PKHD1L1: variants seen among roughly 807,000 people sequenced by gnomAD.
PKHD1L1 encodes the protein PKHD1 like 1.
Under a neutral mutation model 462.9 loss-of-function variants are expected in PKHD1L1, and 434 were observed. The ratio of observed to expected loss-of-function variants is 0.94; its 90% CI spans 0.87 to 1.02. The LOEUF is 1.02. Ranked by LOEUF, PKHD1L1 falls within the 50% of genes least tolerant of loss-of-function variation. The pLI, the probability that PKHD1L1 is intolerant of heterozygous loss-of-function variation, is 0.00. For missense variants in PKHD1L1, 5,202 were observed against 5,096.1 expected, an observed-to-expected ratio of 1.02 and a Z score of -0.63; for synonymous variants, 1,781 against 1,750.0, an observed-to-expected ratio of 1.02 and a Z score of -0.44.
Position 109,427,141 on chromosome 8 carries a change from G to A in PKHD1L1, c.2985G>A (p.Lys995=). 6 of 1,613,674 alleles carry A rather than the reference G, an allele frequency of 3.7e-6. No individual in the cohort carries two copies. The highest frequency in any genetic ancestry group is 5.1e-6 in the Non-Finnish European group (6 of 1,179,660). Residue 995 remains lysine (K), a synonymous_variant, in exon 25 of 78, where the codon AAG becomes AAA. Transcript: ENST00000378402. ...TCAAATGGAGAAGCACCTGCGGAAA[G>A]CAGAATCTTCTACAGGTTCCCTCAT... The part of the protein sequence containing the change: ...WNIKWRSTCG[K]QNLLQINDSN...
At chr8:109,484,641 C>A (rs1818434793) in intron 57 of PKHD1L1, among the ~76,000 whole-genome samples, 1 of 151,754 alleles carries the variant, frequency 6.6e-6, no homozygotes, top group African/African-American at 2.4e-5. Flanking sequence ...GCTTTTCTGC[C>A]TTTCAGGAAT....
chr8:109,458,100 G>C (rs1305357412), intron 46 of PKHD1L1, among the ~76,000 whole-genome samples: 1 of 151,984 alleles, frequency 6.6e-6, no homozygotes, highest in African/African-American at 2.4e-5. Context: ...GTTGTAAACT[G>C]CTTAAATATT....
chr8:109,508,192 G>T lies in PKHD1L1; in HGVS notation c.11323G>T (p.Asp3775Tyr), dbSNP rs912598768. The change falls in exon 70 of 78, where the codon GAT becomes TAT. Residue 3775 changes from aspartate to tyrosine, a missense_variant. Physicochemically the swap from Asp to Tyr is radical, Grantham distance 160 (BLOSUM62 -3). Around this residue, in one of 3 missense-constraint regions of PKHD1L1, gnomAD observed 698 missense variants for 736.3 expected, o/e 0.95. Coordinates refer to ENST00000378402, the MANE Select transcript of PKHD1L1 (RefSeq NM_177531.6). ...TGCAATGATGGTTATTGAAAGTCTG[G>T]ATCCTGACACAGAAACTCGAAGACT... Reference protein sequence around the residue: ...EYAMMVIESLDPDTETRRLSP... With the variant: ...EYAMMVIESLYPDTETRRLSP... 6.2e-7 allele frequency: 1 copy of T among 1,613,204 alleles called. No individual in the cohort carries two copies. The highest frequency in any genetic ancestry group is 1.3e-5 in the African/African-American group (1 of 74,862).
At chr8:109,367,235 G>A (rs1214790613) in intron 2 of PKHD1L1, among the ~76,000 whole-genome samples, 1 of 152,012 alleles carries the variant, frequency 6.6e-6, no homozygotes, top group African/African-American at 2.4e-5. Context: ...TAATTTGGAG[G>A]GACTATATTC....
rs1372027525 is a variant in PKHD1L1, at chr8:109,454,667, G to T, written c.6745-56G>T. The T allele has an allele frequency of 6.3e-6, 10 of 1,595,658 alleles. No homozygotes were observed. The African/African-American group carries it at 1.3e-4, about 21-fold the overall frequency. ...GAAAAGAACTACTTTTGTGTGATTA[G>T]AATTGTGGATTTGGGGTTTTAATTT... On this transcript the variant is annotated intron_variant, in intron 44 of 77. Coordinates refer to ENST00000378402, the MANE Select transcript of PKHD1L1 (RefSeq NM_177531.6).
rs761896713 is a variant in PKHD1L1, at chr8:109,445,193, T to C, written c.5324T>C (p.Val1775Ala). 3 of 1,613,980 alleles carry C rather than the reference T, an allele frequency of 1.9e-6. No homozygotes were observed. Among genetic ancestry groups the C allele is most frequent in the Non-Finnish European group, 2.5e-6 (3 of 1,179,874 alleles). ...VLIEGEGLGTVLEDIAVFIGN... is the reference protein window; with the variant it reads ...VLIEGEGLGTALEDIAVFIGN... ...ATTGAAGGAGAAGGTTTGGGGACTG[T>C]TTTGGAGGACATTGCTGTTTTCATT... The change falls in exon 38 of 78, where the codon GTT (valine) becomes GCT (alanine). Residue 1775 changes from valine to alanine, a missense_variant. By Grantham distance (64) the Val-to-Ala change is moderately conservative. This residue lies in a region of PKHD1L1 where 4,497 missense variants were observed against 4,336.8 expected (regional missense o/e 1.04). Coordinates refer to ENST00000378402, the MANE Select transcript of PKHD1L1 (RefSeq NM_177531.6).
intron 19 of PKHD1L1, 74 bp from the exon 20 acceptor site, chr8:109,412,191 G>T: frequency 6.6e-7 from 1 of 1,521,232 alleles, no homozygotes; most frequent in Middle Eastern, 1.7e-4. Flanking sequence ...ACCTTGAGTG[G>T]TTTGGGTGCA....
chr8:109,454,957 G>A (rs1343734887), intron 45 of PKHD1L1, 105 bp downstream of exon 45: 3 of 1,378,168 alleles, frequency 2.2e-6, no homozygotes, highest in Non-Finnish European at 2.9e-6. Context: ...TAAAGTGAAA[G>A]TGTGTTAGGC....
In PKHD1L1 at chr8:109,384,103, A is replaced by G. The variant is rs1291437018; in HGVS notation, c.451A>G (p.Ile151Val). The G allele has an allele frequency of 1.2e-6, 2 of 1,611,418 alleles. No individual in the cohort carries two copies. The highest frequency in any genetic ancestry group is 2.2e-5 in the East Asian group (1 of 44,788). ...KSFRTPTIRS[I>V]TPLSGTPGTL... ...TTTTAGAACCCCAACAATAAGAAGC[A>G]TCACACCTTTATCTGGAACTCCAGG... The change falls in exon 5 of 78, where the codon ATC (isoleucine) becomes GTC (valine). Residue 151 changes from isoleucine to valine, a missense_variant. By Grantham distance (29) the Ile-to-Val change is conservative. Transcript: ENST00000378402.
At chr8:109,366,212 T>G (rs571548989) in intron 2 of PKHD1L1, among the ~76,000 whole-genome samples, 94 of 152,324 alleles carry the variant, frequency 6.2e-4, no homozygotes, top group African/African-American at 2.2e-3. Flanking sequence ...GACTCTTAAT[T>G]ATAAAGCCCA....
At chr8:109,422,450 T>A (rs1814523282) in intron 23 of PKHD1L1, among the ~76,000 whole-genome samples, 2 of 152,214 alleles carry the variant, frequency 1.3e-5, no homozygotes, top group South Asian at 2.1e-4. Flanking sequence ...GCTACAAAAA[T>A]GGAATCAGAT....
chr8:109,522,957 G>A (rs1820627151), intron 75 of PKHD1L1, 67 bp downstream of exon 75: 1 of 1,445,146 alleles, frequency 6.9e-7, no homozygotes, highest in African/African-American at 1.4e-5. Flanking sequence ...GGATGAGCCA[G>A]TTTCACTCAT....
intron 28 of PKHD1L1, 44 bp from the exon 29 acceptor site, chr8:109,435,146 C>G (rs745702714): frequency 6.2e-7 from 1 of 1,600,968 alleles, no homozygotes; most frequent in South Asian, 1.1e-5. Flanking sequence ...CTCATAAAAC[C>G]ATTTGATTTA....
Position 109,452,714 on chromosome 8 carries a change from A to G in PKHD1L1, c.6508-4A>G. ...ATTTTAAGGTCTCTTATGTTCTATTACAGGATAATGCTGACTTTCTTTATG... is the reference window on the plus strand; with the variant it reads ...ATTTTAAGGTCTCTTATGTTCTATTGCAGGATAATGCTGACTTTCTTTATG... On this transcript the variant is annotated splice_region_variant and splice_polypyrimidine_tract_variant and intron_variant, in intron 42 of 77. Transcript: ENST00000378402. The G allele has an allele frequency of 6.7e-7, 1 of 1,502,070 alleles. No homozygotes were observed. The highest frequency in any genetic ancestry group is 8.8e-7 in the Non-Finnish European group (1 of 1,130,248). The allele number at this position is 1,502,070 out of a possible 1,614,324, so 93.0% of individuals were successfully genotyped here.
chr8:109,477,504 G>A (rs1818052647), intron 53 of PKHD1L1, 108 bp downstream of exon 53: 3 of 1,039,572 alleles, frequency 2.9e-6, no homozygotes, highest in East Asian at 2.8e-5. Flanking sequence ...ACAATGTCTT[G>A]TAGGTTACAA....
intron 70 of PKHD1L1, among the ~76,000 whole-genome samples, chr8:109,509,645 T>A (rs1486087579): frequency 6.6e-6 from 1 of 151,712 alleles, no homozygotes; most frequent in Non-Finnish European, 1.5e-5. Context: ...TTATTTATTT[T>A]AAAAATATGA....
At chr8:109,388,949 A>C in intron 7 of PKHD1L1, 130 bp from the exon 8 acceptor site, 1 of 554,072 alleles carries the variant, frequency 1.8e-6, no homozygotes, top group East Asian at 3.4e-5. Flanking sequence ...ATTTTACAGA[A>C]ATTTTGGTTG....
chr8:109,467,479 G>A (rs1563578368), intron 50 of PKHD1L1, among the ~76,000 whole-genome samples: 1 of 146,040 alleles, frequency 6.8e-6, no homozygotes, highest in South Asian at 2.2e-4. Flanking sequence ...GGTTCCTAGA[G>A]TATAGAGTAT....
intron 1 of PKHD1L1, 109 bp from the exon 2 acceptor site, chr8:109,364,438 A>C: frequency 1.3e-6 from 1 of 785,976 alleles, no homozygotes; most frequent in Admixed American, 2.7e-5. Flanking sequence ...TCAATCCTGT[A>C]AACTTCATAA....
Sources: gnomAD v4.1 joint callset for allele counts (sites outside exome capture counted in the v4.1 genomes callset) on GRCh38, gnomAD v4.1.1 for gene constraint, gnomAD v4.1.1 regional missense constraint, MANE v1.5 for transcripts, NCBI Gene and HGNC (gene_info 2026-07-23, HGNC 2026-07-21) for gene names.